HDGF: variants seen among roughly 807,000 people sequenced by gnomAD.
HDGF encodes the protein heparin binding growth factor.
A neutral mutation model predicts 30.0 loss-of-function variants in HDGF; 5 were observed. The ratio of observed to expected loss-of-function variants is 0.17; its 90% confidence interval spans 0.09 to 0.35. The LOEUF is 0.35. Ranked by LOEUF, HDGF falls within the 10% of genes least tolerant of loss-of-function variation. HDGF has a pLI of 1.00. For missense variants in HDGF, 214 were observed against 302.8 expected, an observed-to-expected ratio of 0.71 and a Z score of 2.18; for synonymous variants, 133 against 112.7, an observed-to-expected ratio of 1.18 and a Z score of -1.14.
intron 1 of HDGF, among the ~76,000 whole-genome samples, chr1:156,747,081 G>A (rs573705433): frequency 6.6e-6 from 1 of 151,922 alleles, no homozygotes; most frequent in Non-Finnish European, 1.5e-5. Context: ...GGAAGGCCCA[G>A]CACAAACTGG....
chr1:156,764,680 G>A (rs781628522), intron 1 of HDGF, among the ~76,000 whole-genome samples: 4 of 151,814 alleles, frequency 2.6e-5, no homozygotes, highest in Non-Finnish European at 4.4e-5. Context: ...GAAAACATTT[G>A]TTAAACACAG....
At chr1:156,749,339 T>A (rs1257367063) in intron 1 of HDGF, among the ~76,000 whole-genome samples, 1 of 152,222 alleles carries the variant, frequency 6.6e-6, no homozygotes, top group Admixed American at 6.5e-5. Flanking sequence ...AGGCTCTGCC[T>A]CTCTAGGGAC....
chr1:156,765,472 C>CTTTTTTTTTTTTTTTTTTTT (rs71080793), intron 1 of HDGF, among the ~76,000 whole-genome samples: 2 of 85,984 alleles, frequency 2.3e-5, no homozygotes, highest in African/African-American at 4.7e-5. Flanking sequence ...TTCTTTCTTT[C>CTTTTTTTTTTTTTTTTTTTT]TTTTTTTTTT....
chr1:156,751,982 G>C, upstream of HDGF: 1 of 1,499,770 alleles, frequency 6.7e-7, no homozygotes, highest in South Asian at 1.2e-5. The surrounding 1 kb of genome is among the most constrained non-coding windows in gnomAD (Gnocchi z 4.7). Context: ...GGAGGAGCTG[G>C]CGCCCGGCTG....
intron 1 of HDGF, among the ~76,000 whole-genome samples, chr1:156,747,249 CG>C (rs1410358164): frequency 4.1e-4 from 13 of 32,092 alleles, no homozygotes; most frequent in South Asian, 1.9e-3. Flanking sequence ...CCCTCCCCCC[CG>C]CCCCCCCCCC....
intron 3 of HDGF, 67 bp downstream of exon 3, chr1:156,744,941 C>A: frequency 6.4e-7 from 1 of 1,566,494 alleles, no homozygotes. Flanking sequence ...ATCTGTGGGC[C>A]GGGGGCTGCC....
At chr1:156,764,356 G>A (rs938840839) in intron 1 of HDGF, among the ~76,000 whole-genome samples, 2 of 151,848 alleles carry the variant, frequency 1.3e-5, no homozygotes, top group Non-Finnish European at 2.9e-5. Context: ...AGCCTCCTGA[G>A]TAGCTGCTTT....
At chr1:156,758,686 G>A (rs1651195927) in intron 2 of HDGF, among the ~76,000 whole-genome samples, 1 of 151,948 alleles carries the variant, frequency 6.6e-6, no homozygotes, top group African/African-American at 2.4e-5. Flanking sequence ...GCTGAGGCAG[G>A]AGAATTACTT....
chr1:156,751,130 A>G lies in HDGF; in HGVS notation c.87+213T>C, dbSNP rs989270189. Among the ~76,000 whole-genome samples, 5 of 151,896 alleles carry G rather than the reference A, an allele frequency of 3.3e-5. No homozygotes were observed. Among genetic ancestry groups the G allele is most frequent in the Non-Finnish European group, 5.9e-5 (4 of 67,938 alleles). ...GCCGTGAACACGCCACTACGCGCGG[A>G]CGCCGTGCCCGCCAGGTGTCTACCC... On this transcript the variant is annotated intron_variant, in intron 1 of 5. Coordinates refer to ENST00000357325, the MANE Select transcript of HDGF (RefSeq NM_004494.3). The surrounding 1 kb of genome is among the most constrained non-coding windows in gnomAD (Gnocchi z 4.7).
intron 4 of HDGF, 88 bp downstream of exon 4, chr1:156,744,075 G>A: frequency 7.2e-7 from 1 of 1,391,952 alleles, no homozygotes; most frequent in Non-Finnish European, 1.0e-6. Context: ...CTCTCAGACT[G>A]GGCACCCCTG....
rs1441199698 is a variant in HDGF at position 156,751,254 on chromosome 1, C to T, written c.87+89G>A. On this transcript the variant is annotated intron_variant, in intron 1 of 5. Coordinates refer to ENST00000357325, the MANE Select transcript of HDGF (RefSeq NM_004494.3). This position sits in a 1 kb window ranked among gnomAD's most constrained non-coding sequence, Gnocchi z 4.7. ...TACAAGCCCCCTGCCCCCACCTCTGCCCGCTCCGCGCGGAGCGCTCGTGCC... is the reference window on the plus strand; with the variant it reads ...TACAAGCCCCCTGCCCCCACCTCTGTCCGCTCCGCGCGGAGCGCTCGTGCC... 8.9e-6 allele frequency: 13 copies of T among 1,461,414 alleles called. No individual in the cohort carries two copies. The highest frequency in any genetic ancestry group is 4.6e-5 in the Admixed American group (2 of 43,670). The allele number at this position is 1,461,414 out of a possible 1,614,324, so 90.5% of individuals were successfully genotyped here. A position where few individuals can be genotyped will look rare whatever the true frequency, so the allele number is the denominator to read the frequency against.
chr1:156,745,960 C>T (rs1444804411), intron 1 of HDGF, among the ~76,000 whole-genome samples: 1 of 152,204 alleles, frequency 6.6e-6, no homozygotes, highest in Non-Finnish European at 1.5e-5. Context: ...CATAACTTGG[C>T]ATGTGGTACA....
At chr1:156,753,066 T>TAGG (rs1486117441), upstream of HDGF, among the ~76,000 whole-genome samples, 1 of 152,192 alleles carries the variant, frequency 6.6e-6, no homozygotes, top group African/African-American at 2.4e-5. Context: ...ACTGCCCTGG[T>TAGG]AACTAACAAC....
chr1:156,749,344 AG>A (rs1475080381), intron 1 of HDGF, among the ~76,000 whole-genome samples: 17 of 152,184 alleles, frequency 1.1e-4, no homozygotes, highest in African/African-American at 4.1e-4. Flanking sequence ...CTGCCTCTCT[AG>A]GGACTAAGAC....
At chr1:156,745,811 G>A (rs1650497625) in intron 1 of HDGF, among the ~76,000 whole-genome samples, 1 of 152,152 alleles carries the variant, frequency 6.6e-6, no homozygotes, top group Non-Finnish European at 1.5e-5. Flanking sequence ...CTGCACAATG[G>A]CAAGATCTGA....
intron 2 of HDGF, 60 bp from the exon 3 acceptor site, chr1:156,745,206 C>T (rs989264580): frequency 2.1e-5 from 34 of 1,610,908 alleles, no homozygotes; most frequent in African/African-American, 1.2e-4. Flanking sequence ...CTGCACAGCC[C>T]GGCATGAAAG....
upstream of HDGF, chr1:156,752,382 G>C: frequency 6.4e-7 from 1 of 1,550,530 alleles, no homozygotes; most frequent in Non-Finnish European, 8.7e-7. Flanking sequence ...GTTTCTCTAA[G>C]CTACTGTCTT....
At chr1:156,746,178 T>A (rs896270922) in intron 1 of HDGF, among the ~76,000 whole-genome samples, 1 of 152,236 alleles carries the variant, frequency 6.6e-6, no homozygotes, top group Non-Finnish European at 1.5e-5. Context: ...CCCTTTACAG[T>A]GCTTTCCCAG....
intron 4 of HDGF, 106 bp from the exon 5 acceptor site, chr1:156,743,984 T>C: frequency 9.4e-7 from 1 of 1,066,870 alleles, no homozygotes; most frequent in Non-Finnish European, 1.5e-6. Context: ...CCACAGTCCT[T>C]CCCCAACCCT....
Sources: allele counts gnomAD v4.1 joint callset (sites outside exome capture counted in the v4.1 genomes callset), GRCh38; gene constraint gnomAD v4.1.1; non-coding constraint Gnocchi (gnomAD v3.1); transcripts MANE v1.5; gene names NCBI Gene and HGNC (gene_info 2026-07-23, HGNC 2026-07-21).